The following CCDC178 variants were observed in gnomAD, a reference collection of about 807,000 sequenced individuals.
The protein encoded by CCDC178 is coiled-coil domain-containing protein 178.
CCDC178 carries 126 observed loss-of-function variants against 117.4 expected under a neutral mutation model. The ratio of observed to expected loss-of-function variants is 1.07; its 90% CI spans 0.93 to 1.24. CCDC178 has a LOEUF of 1.24. CCDC178 is among the 50% of genes most tolerant of loss of function. The probability of loss-of-function intolerance (pLI) is 0.00; values close to 1 mark genes in which losing one functional copy is unlikely to be tolerated. For missense variants in CCDC178, 1,030 were observed against 986.9 expected (o/e 1.04, Z -0.59); for synonymous variants, 283 against 313.4 (o/e 0.90, Z 1.02).
chr18:33,175,034 A>AT (rs548936835), intron 20 of CCDC178, among the ~76,000 whole-genome samples: 1 of 147,436 alleles, frequency 6.8e-6, no homozygotes, highest in Non-Finnish European at 1.5e-5. Flanking sequence ...TTATTTTTTT[A>AT]TTTTTTTATT....
At chr18:33,352,861 T>A (rs1022758523) in intron 7 of CCDC178, among the ~76,000 whole-genome samples, 2 of 152,142 alleles carry the variant, frequency 1.3e-5, no homozygotes, top group African/African-American at 4.8e-5. Context: ...ATGGTCCATG[T>A]GCACATGAGA....
chr18:33,259,333 T>C (rs2059715068), intron 14 of CCDC178, among the ~76,000 whole-genome samples: 1 of 152,208 alleles, frequency 6.6e-6, no homozygotes, highest in African/African-American at 2.4e-5. Flanking sequence ...CATTTCTTAC[T>C]GTACTTATTA....
rs1238227006 is a variant in CCDC178 at position 33,440,663 on chromosome 18, C to T, written c.-153G>A. 1 of 152,614 alleles carries T rather than the reference C, an allele frequency of 6.6e-6. No homozygotes were observed. The highest frequency in any genetic ancestry group is 1.5e-5 in the Non-Finnish European group (1 of 68,106). 9.5% of individuals were successfully genotyped at this position (152,614 alleles called of 1,614,324 possible). A position where few individuals can be genotyped will look rare whatever the true frequency, so the allele number is the denominator to read the frequency against. On this transcript the variant is annotated 5_prime_UTR_variant, in exon 1 of 23. Coordinates refer to ENST00000383096, the MANE Select transcript of CCDC178 (RefSeq NM_001105528.4). ...GCGCCCCCGACTCACCGGCTCCGCG[C>T]GTTTCCCCGCGCGTCTCCCGGACCC...
At chr18:33,362,719 T>G (rs2063147717) in intron 6 of CCDC178, among the ~76,000 whole-genome samples, 1 of 151,864 alleles carries the variant, frequency 6.6e-6, no homozygotes, top group South Asian at 2.1e-4. Context: ...GCAATAAAAT[T>G]TATTTCAAAA....
intron 5 of CCDC178, among the ~76,000 whole-genome samples, chr18:33,386,179 C>T (rs1168850789): frequency 2.6e-5 from 4 of 152,076 alleles, no homozygotes; most frequent in African/African-American, 2.4e-5. Context: ...CCTAAATAGA[C>T]CAATAACAAG....
chr18:33,313,923 G>A (rs539634924), intron 11 of CCDC178, among the ~76,000 whole-genome samples: 6 of 152,218 alleles, frequency 3.9e-5, no homozygotes, highest in South Asian at 2.1e-4. Flanking sequence ...ATTGTGGGCC[G>A]GGCGCGGTGG....
At chr18:33,185,772 G>A (rs1437642959) in intron 20 of CCDC178, among the ~76,000 whole-genome samples, 2 of 151,882 alleles carry the variant, frequency 1.3e-5, no homozygotes, top group East Asian at 1.9e-4. Context: ...AGAAAACCTG[G>A]GCTTTTTGTA....
intron 20 of CCDC178, among the ~76,000 whole-genome samples, chr18:33,095,539 G>A (rs976670305): frequency 1.3e-5 from 2 of 151,824 alleles, no homozygotes; most frequent in Non-Finnish European, 2.9e-5. Flanking sequence ...CATTTTGTTC[G>A]CCCTAAGAGA....
intron 20 of CCDC178, among the ~76,000 whole-genome samples, chr18:33,096,580 C>T (rs7244176): frequency 0.021 from 3,256 of 151,794 alleles, 118 homozygotes; most frequent in African/African-American, 0.074. Context: ...TGTATTGTAA[C>T]TGAATGTAAG....
At chr18:32,990,640 TA>T (rs1243939621) in intron 21 of CCDC178, among the ~76,000 whole-genome samples, 4 of 152,004 alleles carry the variant, frequency 2.6e-5, no homozygotes, top group Admixed American at 6.6e-5. Context: ...CAGAAGAAAT[TA>T]AAAGAAAATG....
chr18:33,124,409 A>G (rs560490047), intron 20 of CCDC178, among the ~76,000 whole-genome samples: 2 of 152,158 alleles, frequency 1.3e-5, no homozygotes, highest in South Asian at 4.1e-4. Context: ...TTTATGTGTA[A>G]GAAAATGAAA....
chr18:33,168,913 T>C (rs1467897029), intron 20 of CCDC178, among the ~76,000 whole-genome samples: 1 of 152,232 alleles, frequency 6.6e-6, no homozygotes. Context: ...TTAAGTAGTG[T>C]TTATCAAATT....
intron 21 of CCDC178, 146 bp from the exon 22 acceptor site, chr18:32,974,827 C>T: frequency 1.3e-6 from 1 of 762,304 alleles, no homozygotes; most frequent in Non-Finnish European, 2.1e-6. Context: ...ATTTCACAGT[C>T]TCTTGATTTT....
intron 21 of CCDC178, among the ~76,000 whole-genome samples, chr18:33,062,983 G>A (rs567818039): frequency 5.2e-4 from 79 of 152,238 alleles, no homozygotes; most frequent in Middle Eastern, 3.4e-3. Flanking sequence ...GCTGGAGCCC[G>A]CATTCAGCAG....
At chr18:32,996,680 T>C (rs2055516398) in intron 21 of CCDC178, among the ~76,000 whole-genome samples, 1 of 152,036 alleles carries the variant, frequency 6.6e-6, no homozygotes, top group Non-Finnish European at 1.5e-5. Flanking sequence ...AAAATCCAGA[T>C]GGATTTTTAA....
At chr18:33,218,608 C>A (rs1454802427) in intron 18 of CCDC178, among the ~76,000 whole-genome samples, 1 of 151,934 alleles carries the variant, frequency 6.6e-6, no homozygotes, top group Non-Finnish European at 1.5e-5. Flanking sequence ...GTCTTTAATC[C>A]ATCTTGAATT....
intron 21 of CCDC178, among the ~76,000 whole-genome samples, chr18:33,019,306 T>C (rs2056063622): frequency 6.6e-6 from 1 of 152,160 alleles, no homozygotes; most frequent in South Asian, 2.1e-4. Context: ...GCAAGTGAAT[T>C]GATAAAAAGA....
intron 5 of CCDC178, among the ~76,000 whole-genome samples, chr18:33,388,123 T>C (rs546458169): frequency 6.6e-6 from 1 of 152,172 alleles, no homozygotes; most frequent in Admixed American, 6.5e-5. Flanking sequence ...AAGCTCAACA[T>C]CACTGATCAT....
chr18:33,219,461 A>G (rs2059205477), intron 18 of CCDC178, among the ~76,000 whole-genome samples: 2 of 152,188 alleles, frequency 1.3e-5, no homozygotes, highest in African/African-American at 4.8e-5. Context: ...ATGGTGCTAT[A>G]AAGACACATT....
Sources: gnomAD v4.1 joint callset for allele counts (sites outside exome capture counted in the v4.1 genomes callset) on GRCh38, gnomAD v4.1.1 for gene constraint, MANE v1.5 for transcripts, NCBI Gene and HGNC (gene_info 2026-07-23, HGNC 2026-07-21) for gene names.